ATXN8OS: variants seen among roughly 807,000 people sequenced by gnomAD.
ATXN8OS encodes ATXN8 opposite strand (non-protein coding).
intron 4 of ATXN8OS, among the ~76,000 whole-genome samples, chr13:70,159,668 A>G (rs533254989): frequency 6.6e-6 from 1 of 152,298 alleles, no homozygotes; most frequent in African/African-American, 2.4e-5. Flanking sequence ...ATTCCAAGAT[A>G]TTCCATGGCG....
intron 4 of ATXN8OS, among the ~76,000 whole-genome samples, chr13:70,164,151 T>C (rs1889046679): frequency 1.3e-5 from 2 of 150,446 alleles, no homozygotes; most frequent in South Asian, 4.2e-4. Flanking sequence ...CAAAGCACTA[T>C]TCTGTCACTT....
chr13:70,125,046 C>T (rs1417348328), intron 2 of ATXN8OS, among the ~76,000 whole-genome samples: 1 of 151,310 alleles, frequency 6.6e-6, no homozygotes. Context: ...ATATTTTACT[C>T]CCTCCTCTTC....
chr13:70,168,072 C>T (rs1889099439), intron 4 of ATXN8OS, among the ~76,000 whole-genome samples: 1 of 152,076 alleles, frequency 6.6e-6, no homozygotes, highest in Admixed American at 6.6e-5. Flanking sequence ...AAGCATTGGG[C>T]ATTACAGAGA....
At chr13:70,127,520 T>C (rs765057706) in intron 2 of ATXN8OS, among the ~76,000 whole-genome samples, 2 of 152,100 alleles carry the variant, frequency 1.3e-5, no homozygotes, top group Non-Finnish European at 2.9e-5. Flanking sequence ...CCATGATTTC[T>C]ATAATCATGT....
chr13:70,117,167 G>C (rs1303341130), intron 2 of ATXN8OS, among the ~76,000 whole-genome samples: 1 of 152,004 alleles, frequency 6.6e-6, no homozygotes, highest in African/African-American at 2.4e-5. Context: ...ACACTAGAAA[G>C]TTGCTAAGAC....
chr13:70,141,427 A>G (rs1369727439), intron 3 of ATXN8OS, among the ~76,000 whole-genome samples: 1 of 152,160 alleles, frequency 6.6e-6, no homozygotes, highest in African/African-American at 2.4e-5. Context: ...AGTATTTATA[A>G]CTGCAAAATA....
intron 2 of ATXN8OS, chr13:70,129,703 T>C: frequency 2.5e-6 from 1 of 397,796 alleles, no homozygotes; most frequent in Non-Finnish European, 4.4e-6. Flanking sequence ...ACTTCAACCA[T>C]CTGTACAGAC....
intron 3 of ATXN8OS, among the ~76,000 whole-genome samples, chr13:70,141,644 C>G (rs1289224039): frequency 6.6e-6 from 1 of 151,916 alleles, no homozygotes; most frequent in Non-Finnish European, 1.5e-5. Flanking sequence ...ATTTCACTCT[C>G]TTAACTTTAA....
chr13:70,148,459 G>A (rs1467109848), intron 4 of ATXN8OS, among the ~76,000 whole-genome samples: 11 of 152,034 alleles, frequency 7.2e-5, no homozygotes, highest in African/African-American at 2.7e-4. Flanking sequence ...AAAGAGAAAG[G>A]ATATGAGGCA....
chr13:70,167,309 A>G (rs1239170824), intron 4 of ATXN8OS, among the ~76,000 whole-genome samples: 1 of 152,166 alleles, frequency 6.6e-6, no homozygotes, highest in Non-Finnish European at 1.5e-5. Context: ...GCACATATAC[A>G]TCATGGAATA....
chr13:70,109,888 A>G lies in ATXN8OS; in HGVS notation n.240+1869A>G, dbSNP rs187235919. ...AAGTTGAAGTGCATGTAATTAATTTATATAGAAATTAGTGCTTCATGGATT... is the reference window on the plus strand; with the variant it reads ...AAGTTGAAGTGCATGTAATTAATTTGTATAGAAATTAGTGCTTCATGGATT... On this transcript the variant is annotated intron_variant and non_coding_transcript_variant, in intron 1 of 4. Transcript: ENST00000678624. Among the ~76,000 whole-genome samples, 3 of 152,344 alleles carry G rather than the reference A, an allele frequency of 2.0e-5. No individual in the cohort carries two copies. In the East Asian group the frequency reaches 5.8e-4, roughly 29 times the overall value.
chr13:70,165,432 T>A (rs918627386), intron 4 of ATXN8OS, among the ~76,000 whole-genome samples: 2 of 151,832 alleles, frequency 1.3e-5, no homozygotes, highest in African/African-American at 4.8e-5. Context: ...TAAAAATAAA[T>A]CTAGAAAAAC....
At chr13:70,113,319 T>C (rs1444780666) in intron 1 of ATXN8OS, among the ~76,000 whole-genome samples, 1 of 152,032 alleles carries the variant, frequency 6.6e-6, no homozygotes, top group Non-Finnish European at 1.5e-5. Flanking sequence ...AAATGTAATA[T>C]ACATATACAT....
chr13:70,126,859 TAC>T lies in ATXN8OS; in HGVS notation n.399-2923_399-2922del, dbSNP rs549849404. 2.6e-3 allele frequency among the ~76,000 whole-genome samples: 388 copies of T among 151,812 alleles called. 3 individuals are homozygous for T. Among genetic ancestry groups the T allele is most frequent in the African/African-American group, 8.6e-3 (359 of 41,548 alleles). On this transcript the variant is annotated intron_variant and non_coding_transcript_variant, in intron 2 of 4. Transcript: ENST00000678624. ...ATATCCGTATCTATATATCAACAGA[TAC>T]AGAGTTTACACATTTATAGAGTTTT...
chr13:70,130,770 A>C (rs1888520636), intron 3 of ATXN8OS: 2 of 398,410 alleles, frequency 5.0e-6, no homozygotes, highest in South Asian at 2.5e-4. Context: ...GTTTCTAATA[A>C]TAAAACAGAC....
At chr13:70,124,019 T>C (rs1419480686) in intron 2 of ATXN8OS, among the ~76,000 whole-genome samples, 1 of 152,112 alleles carries the variant, frequency 6.6e-6, no homozygotes, top group African/African-American at 2.4e-5. Flanking sequence ...ACATAATAGA[T>C]TTAGAGACAC....
At chr13:70,108,525 AGATG>A (rs1191019779) in intron 1 of ATXN8OS, 1 of 138,860 alleles carries the variant, frequency 7.2e-6, no homozygotes, top group African/African-American at 2.6e-5. Context: ...CTATACGGAG[AGATG>A]GAGGGAGGGA....
intron 3 of ATXN8OS, among the ~76,000 whole-genome samples, chr13:70,135,543 T>G (rs1257101920): frequency 6.6e-6 from 1 of 152,156 alleles, no homozygotes; most frequent in Non-Finnish European, 1.5e-5. Flanking sequence ...TCATATCACC[T>G]TCTTCCTTGA....
At chr13:70,115,544 T>G (rs944958238) in intron 2 of ATXN8OS, among the ~76,000 whole-genome samples, 16 of 152,110 alleles carry the variant, frequency 1.1e-4, no homozygotes, top group African/African-American at 3.1e-4. Flanking sequence ...ATGGTTTTTT[T>G]GGGGGGGCAA....
Sources: allele counts gnomAD v4.1 joint callset (sites outside exome capture counted in the v4.1 genomes callset), GRCh38; gene constraint gnomAD v4.1.1; transcripts MANE v1.5; gene names NCBI Gene and HGNC (gene_info 2026-07-23, HGNC 2026-07-21).